The following TNR variants were observed in gnomAD, a reference collection of about 807,000 sequenced individuals.
TNR encodes tenascin-R.
TNR carries 45 observed loss-of-function variants against 150.4 expected under a neutral mutation model. That is an observed-to-expected ratio of 0.30 (90% CI 0.24 to 0.38). TNR has a LOEUF of 0.38. TNR is among the 10% of genes least tolerant of loss of function. The probability of loss-of-function intolerance (pLI) is 1.00; values close to 1 mark genes in which losing one functional copy is unlikely to be tolerated. For synonymous variants in TNR, 687 were observed against 678.4 expected, an observed-to-expected ratio of 1.01 and a Z score of -0.20; for missense variants, 1,544 against 1,759.1, an observed-to-expected ratio of 0.88 and a Z score of 2.19.
chr1:175,587,357 G>T (rs148746677), intron 1 of TNR, among the ~76,000 whole-genome samples: 1 of 152,178 alleles, frequency 6.6e-6, no homozygotes. Flanking sequence ...CCAGCCACTC[G>T]CATAGCTGAG....
intron 2 of TNR, among the ~76,000 whole-genome samples, chr1:175,450,232 G>A (rs2102091972): frequency 6.6e-6 from 1 of 152,314 alleles, no homozygotes; most frequent in South Asian, 2.1e-4. Flanking sequence ...TTGGTGCCAG[G>A]AAAGATTCAT....
At chr1:175,481,187 A>C (rs768354028) in intron 2 of TNR, among the ~76,000 whole-genome samples, 1 of 152,226 alleles carries the variant, frequency 6.6e-6, no homozygotes, top group Non-Finnish European at 1.5e-5. Flanking sequence ...GCCTTATCTT[A>C]TAGTAAATGC....
intron 1 of TNR, among the ~76,000 whole-genome samples, chr1:175,636,307 C>T (rs1664490329): frequency 6.6e-6 from 1 of 152,112 alleles, no homozygotes; most frequent in Non-Finnish European, 1.5e-5. Context: ...TGTTCTAAGT[C>T]CTTTACACAT....
chr1:175,490,360 A>G (rs943854317), intron 2 of TNR, among the ~76,000 whole-genome samples: 12 of 152,238 alleles, frequency 7.9e-5, no homozygotes, highest in African/African-American at 2.9e-4. Context: ...AACAGAAGCA[A>G]AAATTGACAA....
chr1:175,408,054 A>G (rs1654039828), intron 2 of TNR, among the ~76,000 whole-genome samples: 1 of 152,062 alleles, frequency 6.6e-6, no homozygotes, highest in Non-Finnish European at 1.5e-5. Flanking sequence ...CTCCTCTGCT[A>G]TTCTCCCAAA....
intron 2 of TNR, among the ~76,000 whole-genome samples, chr1:175,407,366 G>A (rs1216147788): frequency 3.4e-4 from 52 of 152,164 alleles, no homozygotes. Flanking sequence ...GGCTGTGTGA[G>A]CTGAACTTTC....
intron 2 of TNR, among the ~76,000 whole-genome samples, chr1:175,432,103 G>A (rs1432068954): frequency 6.6e-6 from 1 of 152,112 alleles, no homozygotes; most frequent in African/African-American, 2.4e-5. Context: ...GAGTGTTGAA[G>A]CAGGGCCTGC....
At chr1:175,723,121 T>C (rs1667362781) in intron 1 of TNR, among the ~76,000 whole-genome samples, 1 of 151,958 alleles carries the variant, frequency 6.6e-6, no homozygotes, top group South Asian at 2.1e-4. Context: ...TGCATTTGTA[T>C]AATATTACAT....
chr1:175,479,062 A>C, intron 2 of TNR, among the ~76,000 whole-genome samples: 1 of 152,322 alleles, frequency 6.6e-6, no homozygotes, highest in East Asian at 1.9e-4. Context: ...TCCATTTGAC[A>C]GGTAGAAAAA....
At chr1:175,550,323 C>A (rs1660889288) in intron 1 of TNR, among the ~76,000 whole-genome samples, 1 of 152,224 alleles carries the variant, frequency 6.6e-6, no homozygotes, top group African/African-American at 2.4e-5. Flanking sequence ...CCCAGCCAAA[C>A]AACTTTCCAA....
At chr1:175,670,596 A>G (rs1665668832) in intron 1 of TNR, among the ~76,000 whole-genome samples, 1 of 152,202 alleles carries the variant, frequency 6.6e-6, no homozygotes, top group Non-Finnish European at 1.5e-5. Context: ...CAAGTGATTG[A>G]GATGAGCAGG....
intron 9 of TNR, among the ~76,000 whole-genome samples, chr1:175,369,454 T>C (rs1418423987): frequency 6.6e-6 from 1 of 152,174 alleles, no homozygotes; most frequent in Non-Finnish European, 1.5e-5. Context: ...TGTCTTCCCC[T>C]CTTCTTATAA....
chr1:175,622,809 C>A (rs1457957312), intron 1 of TNR, among the ~76,000 whole-genome samples: 1 of 152,156 alleles, frequency 6.6e-6, no homozygotes, highest in East Asian at 1.9e-4. Flanking sequence ...TATTTTCTTG[C>A]CTCTTCCTAG....
intron 2 of TNR, among the ~76,000 whole-genome samples, chr1:175,516,838 A>G (rs1659425716): frequency 6.6e-6 from 1 of 152,172 alleles, no homozygotes; most frequent in Admixed American, 6.5e-5. Context: ...TTTAGTAATT[A>G]TGCCTGTTTT....
intron 1 of TNR, among the ~76,000 whole-genome samples, chr1:175,705,417 T>A (rs888328614): frequency 1.3e-5 from 2 of 152,188 alleles, no homozygotes; most frequent in African/African-American, 4.8e-5. Context: ...CTAAGGCTTA[T>A]GAAATTAAAT....
chr1:175,356,319 G>T lies in TNR; in HGVS notation c.3118C>A (p.Leu1040Ile), dbSNP rs146606650. 1.2e-6 allele frequency: 2 copies of T among 1,613,858 alleles called. No individual in the cohort carries two copies. The highest frequency in any genetic ancestry group is 2.7e-5 in the African/African-American group (2 of 74,906). ...GGTATGTAGGTGACCATGTACTCAC[G>T]AGTAGAAAAGTTGGTGCTGATGGTG... ...SGTISTNFST[L>I]LDPPANLTAS... The change falls in exon 16 of 23, where the codon CTC (leucine) becomes ATC (isoleucine). Residue 1040 changes from leucine to isoleucine, a missense_variant and splice_region_variant. Coordinates refer to ENST00000367674, the MANE Select transcript of TNR (RefSeq NM_003285.3).
At chr1:175,416,129 T>TACACAC (rs3030909) in intron 2 of TNR, among the ~76,000 whole-genome samples, 26,992 of 151,256 alleles carry the variant, frequency 0.18, 2,497 homozygotes, top group Middle Eastern at 0.27. Flanking sequence ...TATATATATA[T>TACACAC]ACACACACAC....
At chr1:175,652,065 T>C (rs1218017783) in intron 1 of TNR, among the ~76,000 whole-genome samples, 1 of 149,186 alleles carries the variant, frequency 6.7e-6, no homozygotes, top group Non-Finnish European at 1.5e-5. Flanking sequence ...TGATAAAAGC[T>C]ATATACTAAA....
intron 1 of TNR, among the ~76,000 whole-genome samples, chr1:175,550,463 G>A (rs1660894337): frequency 6.6e-6 from 1 of 152,080 alleles, no homozygotes; most frequent in Admixed American, 6.6e-5. Flanking sequence ...TATTAAGTGA[G>A]GCCCCTATAC....
Sources: allele counts gnomAD v4.1 joint callset (sites outside exome capture counted in the v4.1 genomes callset), GRCh38; gene constraint gnomAD v4.1.1; transcripts MANE v1.5; gene names NCBI Gene and HGNC (gene_info 2026-07-23, HGNC 2026-07-21).